TENM3: variants seen among roughly 807,000 people sequenced by gnomAD.
TENM3 encodes the protein teneurin-3.
A neutral mutation model predicts 255.1 loss-of-function variants in TENM3; 63 were observed. The ratio of observed to expected loss-of-function variants is 0.25; its 90% confidence interval spans 0.20 to 0.30. TENM3 has a LOEUF of 0.30. Among genes scored for constraint, TENM3 ranks in the 10% least tolerant of loss-of-function variants. TENM3 has a pLI of 1.00. For synonymous variants in TENM3, 1,306 were observed against 1,322.3 expected (o/e 0.99, Z 0.27); for missense variants, 2,929 against 3,461.1 (o/e 0.85, Z 3.86).
At chr4:181,626,909 C>T in the TENM3 span, among the ~76,000 whole-genome samples, 1 of 152,204 alleles carries the variant, frequency 6.6e-6, no homozygotes, top group Non-Finnish European at 1.5e-5. Context: ...AGAAGCAGAA[C>T]AGGTCTATTG....
intron 3 of TENM3, among the ~76,000 whole-genome samples, chr4:182,485,660 C>CTT (rs55668907): frequency 0.68 from 102,852 of 151,764 alleles, 37,369 homozygotes; most frequent in East Asian, 0.92. Context: ...TATGATTTAT[C>CTT]TGTGGGTTTC....
the TENM3 span, among the ~76,000 whole-genome samples, chr4:181,888,792 T>C: frequency 6.6e-6 from 1 of 151,214 alleles, no homozygotes; most frequent in African/African-American, 2.4e-5. Flanking sequence ...GCCACAGTTC[T>C]AGTTTGAAGG....
At chr4:182,287,441 C>G (rs574129103) in intron 1 of TENM3, among the ~76,000 whole-genome samples, 10 of 152,206 alleles carry the variant, frequency 6.6e-5, no homozygotes, top group East Asian at 5.8e-4. Context: ...TTCACCAGAC[C>G]CTCATGTCTG....
At chr4:182,465,298 G>C (rs903834426) in intron 3 of TENM3, among the ~76,000 whole-genome samples, 2 of 152,144 alleles carry the variant, frequency 1.3e-5, no homozygotes, top group Non-Finnish European at 2.9e-5. Context: ...GGTATGAGGA[G>C]CTTGGAACCT....
chr4:181,624,680 TC>T, the TENM3 span, among the ~76,000 whole-genome samples: 1 of 152,252 alleles, frequency 6.6e-6, no homozygotes, highest in South Asian at 2.1e-4. Context: ...CTATGCTTTC[TC>T]CCTAGCCATC....
Position 182,800,330 on chromosome 4 carries a change from G to C in TENM3, c.8079G>C (p.Gln2693His), listed in dbSNP as rs767865601. The change falls in exon 28 of 28, where the codon CAG becomes CAC. Residue 2693 changes from glutamine to histidine, a missense_variant. Around this residue, in one of 6 missense-constraint regions of TENM3, gnomAD observed 476 missense variants for 480.1 expected, o/e 0.99. Transcript: ENST00000511685. ...DSANNIQFLRQSEIGRR is the reference protein window; with the variant it reads ...DSANNIQFLRHSEIGRR ...CCAACAACATCCAGTTCCTGCGGCAGAGCGAGATCGGCAGGAGGTAACGCC... is the reference window on the plus strand; with the variant it reads ...CCAACAACATCCAGTTCCTGCGGCACAGCGAGATCGGCAGGAGGTAACGCC... 4 of 1,588,230 alleles carry C rather than the reference G, an allele frequency of 2.5e-6. No individual in the cohort carries two copies. In the African/African-American group the frequency reaches 4.0e-5, roughly 16 times the overall value.
intron 1 of TENM3, among the ~76,000 whole-genome samples, chr4:182,316,284 T>C (rs927591773): frequency 6.6e-6 from 1 of 152,204 alleles, no homozygotes; most frequent in African/African-American, 2.4e-5. Context: ...ACCAGAACTG[T>C]GTTTAGTTTA....
chr4:182,656,372 C>A (rs1413850378), intron 6 of TENM3, among the ~76,000 whole-genome samples: 1 of 152,128 alleles, frequency 6.6e-6, no homozygotes, highest in Non-Finnish European at 1.5e-5. Context: ...GTAAGGAATT[C>A]TTGTTTCTGA....
At chr4:181,579,773 C>T in the TENM3 span, among the ~76,000 whole-genome samples, 1 of 151,918 alleles carries the variant, frequency 6.6e-6, no homozygotes. Flanking sequence ...GTAGCTTTTT[C>T]CTATAGACCA....
At chr4:181,581,451 CA>C in the TENM3 span, among the ~76,000 whole-genome samples, 1 of 151,908 alleles carries the variant, frequency 6.6e-6, no homozygotes, top group Non-Finnish European at 1.5e-5. Flanking sequence ...AAAAACAAAA[CA>C]AAACAAAACA....
At chr4:181,942,338 G>A in the TENM3 span, among the ~76,000 whole-genome samples, 107 of 145,956 alleles carry the variant, frequency 7.3e-4, no homozygotes, top group East Asian at 0.015. Context: ...GTTAGAAGCG[G>A]TTAAATAAGA....
At chr4:181,905,716 G>A in the TENM3 span, 67 of 212,100 alleles carry the variant, frequency 3.2e-4, 1 homozygote, top group East Asian at 7.9e-4. Flanking sequence ...GCACAACCAC[G>A]GCTCACCTTA....
intron 6 of TENM3, among the ~76,000 whole-genome samples, chr4:182,656,358 A>C (rs1753745282): frequency 6.6e-6 from 1 of 152,136 alleles, no homozygotes; most frequent in South Asian, 2.1e-4. Flanking sequence ...CAAAACCCTA[A>C]ATTGTAAGGA....
the TENM3 span, among the ~76,000 whole-genome samples, chr4:181,767,233 G>C: frequency 1.0e-4 from 13 of 126,882 alleles, no homozygotes; most frequent in South Asian, 7.7e-4. Flanking sequence ...GCCTGGGCGA[G>C]AGTGCGAGAC....
the TENM3 span, chr4:181,906,077 C>T: frequency 3.0e-5 from 10 of 333,340 alleles, no homozygotes; most frequent in African/African-American, 1.1e-4. Flanking sequence ...AATAACTTTC[C>T]GTAGTAATTC....
intron 1 of TENM3, among the ~76,000 whole-genome samples, chr4:182,226,543 T>C (rs1286213015): frequency 6.6e-6 from 1 of 152,118 alleles, no homozygotes; most frequent in African/African-American, 2.4e-5. Context: ...CATATATATA[T>C]GTAAGTAACT....
the TENM3 span, among the ~76,000 whole-genome samples, chr4:181,580,345 C>T: frequency 1.5e-4 from 23 of 152,038 alleles, no homozygotes; most frequent in Admixed American, 2.6e-4. Context: ...TGGCTTCCCC[C>T]GACTGAGAGG....
At chr4:182,333,109 A>C (rs1280823751) in intron 2 of TENM3, among the ~76,000 whole-genome samples, 1 of 152,220 alleles carries the variant, frequency 6.6e-6, no homozygotes. Context: ...TCCTAGGTAC[A>C]TTTTGCATAA....
the TENM3 span, among the ~76,000 whole-genome samples, chr4:181,760,476 T>C: frequency 1.3e-5 from 2 of 152,284 alleles, no homozygotes; most frequent in Admixed American, 1.3e-4. Flanking sequence ...TTCCCACTGT[T>C]AACACAGAAT....
Sources: gnomAD v4.1 joint callset for allele counts (sites outside exome capture counted in the v4.1 genomes callset) on GRCh38, gnomAD v4.1.1 for gene constraint, gnomAD v4.1.1 regional missense constraint, MANE v1.5 for transcripts, NCBI Gene and HGNC (gene_info 2026-07-23, HGNC 2026-07-21) for gene names.